Variants in ADAM18 observed in about 807,000 individuals in gnomAD.
ADAM18 encodes ADAM metallopeptidase domain 18, also known as disintegrin and metalloproteinase domain-containing protein 18.
A neutral mutation model predicts 94.4 loss-of-function variants in ADAM18; 117 were observed. The ratio of observed to expected loss-of-function variants is 1.24; its 90% CI spans 1.07 to 1.45. ADAM18 has a LOEUF of 1.45. Among genes scored for constraint, ADAM18 ranks in the 40% most tolerant of loss-of-function variants. The pLI, the probability that ADAM18 is intolerant of heterozygous loss-of-function variation, is 0.00. For missense variants in ADAM18, 936 were observed against 880.0 expected, an observed-to-expected ratio of 1.06 and a Z score of -0.81; for synonymous variants, 327 against 291.6, an observed-to-expected ratio of 1.12 and a Z score of -1.24.
intron 17 of ADAM18, among the ~76,000 whole-genome samples, chr8:39,702,580 T>A (rs549782626): frequency 6.6e-6 from 1 of 152,364 alleles, no homozygotes; most frequent in South Asian, 2.1e-4. Context: ...TTGAATGATA[T>A]TGCCTAGGTC....
At chr8:39,639,906 ATC>A (rs994686544) in intron 10 of ADAM18, among the ~76,000 whole-genome samples, 4 of 152,062 alleles carry the variant, frequency 2.6e-5, no homozygotes, top group African/African-American at 7.2e-5. Context: ...TATTATGTGT[ATC>A]CCTCTTTCAT....
intron 12 of ADAM18, among the ~76,000 whole-genome samples, chr8:39,658,141 CATTT>C (rs1163097839): frequency 1.3e-5 from 2 of 152,072 alleles, no homozygotes; most frequent in African/African-American, 4.8e-5. Context: ...TGAAATGAAA[CATTT>C]ATAAATCAAA....
rs1327987277 is a variant in ADAM18, at chr8:39,637,660, G to A, written c.784G>A (p.Asp262Asn). The A allele has an allele frequency of 7.4e-6, 12 of 1,612,344 alleles. No individual in the cohort carries two copies. The South Asian group carries it at 7.7e-5, about 10-fold the overall frequency. Residue 262 changes from aspartate (D) to asparagine (N), a missense_variant, in exon 9 of 20, where the codon GAC (aspartate) becomes AAC (asparagine). Coordinates refer to ENST00000265707, the MANE Select transcript of ADAM18 (RefSeq NM_014237.3). ...ILQRFLAWKR[D>N]YLILRPHDIA... ...ACAAAGATTTTTGGCATGGAAACGG[G>A]ACTATCTCATCCTACGGCCCCATGA...
At chr8:39,701,117 CAAAAAAA>C (rs71237188) in intron 17 of ADAM18, among the ~76,000 whole-genome samples, 30 of 34,554 alleles carry the variant, frequency 8.7e-4, no homozygotes, top group Middle Eastern at 0.038. Context: ...GACTCTGTCT[CAAAAAAA>C]AAAAAAAAAA....
At position 39,610,686 on chromosome 8, in the gene ADAM18, A is replaced by G. The variant is rs370884759; in HGVS notation, c.502A>G (p.Lys168Glu). The G allele has an allele frequency of 3.1e-6, 5 of 1,613,046 alleles. No homozygotes were observed. In the African/African-American group the frequency reaches 6.7e-5, roughly 22 times the overall value. ...TATTTGGCAGAAAGACCAGCCCTAC[A>G]AAGTTCCTTTAAACTCACAGGTGAC... ...SHIWQKDQPY[K>E]VPLNSQIKNL... is the part of the protein sequence containing the mutation. Residue 168 changes from lysine (K) to glutamate (E), a missense_variant, in exon 6 of 20, where the codon AAA becomes GAA. Coordinates refer to ENST00000265707, the MANE Select transcript of ADAM18 (RefSeq NM_014237.3).
At chr8:39,649,038 C>A (rs1820457212) in intron 12 of ADAM18, among the ~76,000 whole-genome samples, 1 of 151,942 alleles carries the variant, frequency 6.6e-6, no homozygotes, top group African/African-American at 2.4e-5. Flanking sequence ...ATAATTTCAT[C>A]AATCAAATGT....
intron 18 of ADAM18, among the ~76,000 whole-genome samples, chr8:39,722,265 CGT>C (rs1822781070): frequency 3.1e-5 from 3 of 96,344 alleles, no homozygotes; most frequent in African/African-American, 1.3e-4. Context: ...ATATATATGC[CGT>C]GTGTTTTTTA....
intron 19 of ADAM18, 54 bp from the exon 20 acceptor site, chr8:39,729,844 G>T: frequency 6.9e-7 from 1 of 1,446,008 alleles, no homozygotes; most frequent in Non-Finnish European, 9.7e-7. Flanking sequence ...TAGGCAATTG[G>T]CTACTACTAA....
chr8:39,589,646 GTGTA>G (rs900231973), intron 2 of ADAM18, among the ~76,000 whole-genome samples: 3 of 151,148 alleles, frequency 2.0e-5, no homozygotes, highest in African/African-American at 4.9e-5. Context: ...ACCAACATGG[GTGTA>G]TGTATGTATA....
At chr8:39,665,920 A>G (rs1477864732) in intron 13 of ADAM18, among the ~76,000 whole-genome samples, 1 of 152,156 alleles carries the variant, frequency 6.6e-6, no homozygotes, top group Non-Finnish European at 1.5e-5. Flanking sequence ...CATTTGTTTC[A>G]TTTCAGAGGT....
intron 17 of ADAM18, among the ~76,000 whole-genome samples, chr8:39,694,864 AAT>A (rs1158378491): frequency 2.6e-5 from 4 of 151,572 alleles, no homozygotes; most frequent in South Asian, 4.1e-4. Flanking sequence ...CGTCTTAAAA[AAT>A]ATATGTGTCT....
At chr8:39,703,296 T>C (rs1227461476) in intron 17 of ADAM18, among the ~76,000 whole-genome samples, 1 of 152,180 alleles carries the variant, frequency 6.6e-6, no homozygotes, top group Non-Finnish European at 1.5e-5. Context: ...GTTGTTGGTG[T>C]ATCAGAATGC....
At chr8:39,653,296 T>A (rs534338687) in intron 12 of ADAM18, among the ~76,000 whole-genome samples, 159 of 152,208 alleles carry the variant, frequency 1.0e-3, no homozygotes, top group Admixed American at 2.3e-3. Flanking sequence ...GTCGATTTTT[T>A]AAAAAATGTA....
At chr8:39,585,980 A>G (rs1166243291) in intron 2 of ADAM18, among the ~76,000 whole-genome samples, 1 of 152,200 alleles carries the variant, frequency 6.6e-6, no homozygotes, top group Non-Finnish European at 1.5e-5. Context: ...AAAATGTTTT[A>G]TTTTACAAAC....
At chr8:39,665,010 A>G (rs1243553975) in intron 13 of ADAM18, among the ~76,000 whole-genome samples, 1 of 152,162 alleles carries the variant, frequency 6.6e-6, no homozygotes, top group Non-Finnish European at 1.5e-5. Context: ...GAAGAAACAT[A>G]TTTAAGCTTA....
At chr8:39,669,183 T>C (rs1037284430) in intron 14 of ADAM18, among the ~76,000 whole-genome samples, 10 of 151,772 alleles carry the variant, frequency 6.6e-5, no homozygotes, top group African/African-American at 2.4e-4. Context: ...TTAAGTAGCG[T>C]CTACAATATA....
intron 12 of ADAM18, among the ~76,000 whole-genome samples, chr8:39,656,350 G>A (rs1397024405): frequency 6.6e-6 from 1 of 152,076 alleles, no homozygotes; most frequent in Non-Finnish European, 1.5e-5. Flanking sequence ...TATCATTACT[G>A]TTTTGTGACA....
chr8:39,639,274 T>C (rs561353305), intron 10 of ADAM18, among the ~76,000 whole-genome samples: 12 of 151,980 alleles, frequency 7.9e-5, no homozygotes, highest in Non-Finnish European at 1.5e-4. Flanking sequence ...CTCCCACCTA[T>C]TACCCATACC....
chr8:39,688,494 C>A (rs553143826), intron 16 of ADAM18, among the ~76,000 whole-genome samples: 1 of 152,290 alleles, frequency 6.6e-6, no homozygotes, highest in African/African-American at 2.4e-5. Context: ...ATTTAGTTTT[C>A]TATTCCTGCA....
Sources: gnomAD v4.1 joint callset for allele counts (sites outside exome capture counted in the v4.1 genomes callset) on GRCh38, gnomAD v4.1.1 for gene constraint, MANE v1.5 for transcripts, NCBI Gene and HGNC (gene_info 2026-07-23, HGNC 2026-07-21) for gene names.